EPHA5: variants seen among roughly 807,000 people sequenced by gnomAD.
EPHA5 encodes ephrin type-A receptor 5.
Under a neutral mutation model 105.0 loss-of-function variants are expected in EPHA5, and 60 were observed. The observed-to-expected ratio is 0.57, with a 90% confidence interval of 0.46 to 0.71. EPHA5 has a LOEUF of 0.71. Ranked by LOEUF, EPHA5 falls within the 30% of genes least tolerant of loss-of-function variation. The pLI, the probability that EPHA5 is intolerant of heterozygous loss-of-function variation, is 0.00. For synonymous variants in EPHA5, 513 were observed against 449.1 expected (o/e 1.14, Z -1.80); for missense variants, 1,218 against 1,274.7 (o/e 0.96, Z 0.68).
chr4:65,457,776 T>C (rs899183066), intron 5 of EPHA5, among the ~76,000 whole-genome samples: 9 of 152,162 alleles, frequency 5.9e-5, no homozygotes, highest in Non-Finnish European at 1.3e-4. Context: ...TGGCTAATGC[T>C]GTTTCTGTTA....
chr4:65,626,180 T>A (rs756829368), intron 2 of EPHA5, among the ~76,000 whole-genome samples: 31 of 152,062 alleles, frequency 2.0e-4, no homozygotes, highest in Non-Finnish European at 4.1e-4. Context: ...GAGTAACAAT[T>A]TTATATTTAG....
intron 16 of EPHA5, chr4:65,331,230 G>A: frequency 9.7e-7 from 1 of 1,029,854 alleles, no homozygotes; most frequent in East Asian, 5.8e-5. Context: ...CCACCATAAA[G>A]ACAGTTAATT....
At position 65,490,509 on chromosome 4, in the gene EPHA5, T is replaced by A. The variant is rs2149213004; in HGVS notation, c.1270A>T (p.Thr424Ser). The A allele has an allele frequency of 6.2e-7, 1 of 1,614,094 alleles. No homozygotes were observed. The highest frequency in any genetic ancestry group is 8.5e-7 in the Non-Finnish European group (1 of 1,180,016). The change falls in exon 5 of 17, where the codon ACC becomes TCC. Residue 424 changes from threonine (T) to serine (S), a missense_variant. Transcript: ENST00000613740. ...AGTAGATCCACCATCATGACAGAGGTGTTTTTCAGGCCGCTTTGCCGGGGA... is the reference window on the plus strand; with the variant it reads ...AGTAGATCCACCATCATGACAGAGGAGTTTTTCAGGCCGCTTTGCCGGGGA... Reference protein sequence around the residue: ...YLPRQSGLKNTSVMMVDLLAH... With the variant: ...YLPRQSGLKNSSVMMVDLLAH...
chr4:65,666,618 A>C (rs1749987606), intron 1 of EPHA5, among the ~76,000 whole-genome samples: 1 of 152,316 alleles, frequency 6.6e-6, no homozygotes, highest in Non-Finnish European at 1.5e-5. Flanking sequence ...AATCTTTTAT[A>C]ATAAAAAAGT....
intron 8 of EPHA5, among the ~76,000 whole-genome samples, chr4:65,403,959 C>A (rs563221340): frequency 6.6e-6 from 1 of 152,050 alleles, no homozygotes; most frequent in Admixed American, 6.6e-5. Context: ...GGATAGAATG[C>A]TGACTAAATA....
At chr4:65,640,659 G>A (rs1224646580) in intron 2 of EPHA5, among the ~76,000 whole-genome samples, 2 of 152,154 alleles carry the variant, frequency 1.3e-5, no homozygotes, top group Admixed American at 1.3e-4. Context: ...AAACCAGTAA[G>A]TGTTCTCAAC....
chr4:65,612,196 A>G (rs1744843048), intron 2 of EPHA5, among the ~76,000 whole-genome samples: 1 of 152,128 alleles, frequency 6.6e-6, no homozygotes, highest in Non-Finnish European at 1.5e-5. Context: ...TTGCATGGAT[A>G]TACTGCATAG....
At chr4:65,647,969 G>A (rs1018266992) in intron 1 of EPHA5, among the ~76,000 whole-genome samples, 1 of 152,068 alleles carries the variant, frequency 6.6e-6, no homozygotes, top group African/African-American at 2.4e-5. Flanking sequence ...CCAAATAACA[G>A]ATTATGAAAG....
intron 3 of EPHA5, among the ~76,000 whole-genome samples, chr4:65,513,426 G>A (rs1733812480): frequency 1.3e-5 from 2 of 151,956 alleles, no homozygotes; most frequent in East Asian, 1.9e-4. Context: ...TCGCTCTGTC[G>A]CCCAGGCTGG....
At chr4:65,529,734 A>G (rs938276169) in intron 3 of EPHA5, among the ~76,000 whole-genome samples, 18 of 152,248 alleles carry the variant, frequency 1.2e-4, no homozygotes, top group Admixed American at 1.1e-3. Flanking sequence ...ATGAACGTAT[A>G]TAACTCTTGC....
At chr4:65,617,338 T>C (rs952829836) in intron 2 of EPHA5, among the ~76,000 whole-genome samples, 10 of 152,068 alleles carry the variant, frequency 6.6e-5, no homozygotes, top group Non-Finnish European at 1.2e-4. Context: ...CTGTGATCAA[T>C]TGTTGGTGTA....
intron 5 of EPHA5, among the ~76,000 whole-genome samples, chr4:65,485,586 C>A (rs1730802826): frequency 6.6e-6 from 1 of 152,086 alleles, no homozygotes; most frequent in African/African-American, 2.4e-5. Flanking sequence ...TGGAAAATGT[C>A]TAAATACTAT....
chr4:65,512,969 A>G (rs1733765028), intron 3 of EPHA5, among the ~76,000 whole-genome samples: 1 of 152,180 alleles, frequency 6.6e-6, no homozygotes, highest in African/African-American at 2.4e-5. Context: ...TGGCTTTACT[A>G]GAATTGAAAG....
At chr4:65,536,219 G>C (rs1002822376) in intron 3 of EPHA5, among the ~76,000 whole-genome samples, 1 of 151,836 alleles carries the variant, frequency 6.6e-6, no homozygotes, top group Non-Finnish European at 1.5e-5. Context: ...GCAGACAATT[G>C]CTCCATCCTA....
intron 3 of EPHA5, among the ~76,000 whole-genome samples, chr4:65,543,367 A>C (rs188119501): frequency 1.2e-4 from 19 of 152,212 alleles, no homozygotes; most frequent in African/African-American, 4.6e-4. Flanking sequence ...AAGTAACTTC[A>C]GCAAACTCTC....
rs181411134 is a variant in EPHA5 at position 65,399,120 on chromosome 4, G to T, written c.1793+5254C>A. ...GTCAGGAATGTGACACCCTCTTTGG[G>T]GCTTTGCAGTTTCTGGCATTTCCAA... On this transcript the variant is annotated intron_variant, in intron 8 of 16. Transcript: ENST00000613740. Among the ~76,000 whole-genome samples, 199 of 152,254 alleles carry T rather than the reference G, an allele frequency of 1.3e-3. 1 individual carries two copies. The highest frequency in any genetic ancestry group is 0.01 in the Middle Eastern group (3 of 294).
At chr4:65,568,881 G>T (rs1739830766) in intron 3 of EPHA5, among the ~76,000 whole-genome samples, 2 of 150,804 alleles carry the variant, frequency 1.3e-5, no homozygotes, top group Admixed American at 1.3e-4. Context: ...TTAGTTTATT[G>T]TTTCAATAAA....
chr4:65,388,418 G>C (rs1314873184), intron 8 of EPHA5, among the ~76,000 whole-genome samples: 2 of 151,386 alleles, frequency 1.3e-5, no homozygotes, highest in East Asian at 2.0e-4. Flanking sequence ...GGTTGAACTA[G>C]TTTACAGTCC....
chr4:65,501,006 T>C (rs976253329), intron 3 of EPHA5, among the ~76,000 whole-genome samples: 2 of 151,336 alleles, frequency 1.3e-5, no homozygotes, highest in Non-Finnish European at 3.0e-5. Context: ...AGCTCTATCA[T>C]ATGTGAATTA....
Sources: gnomAD v4.1 joint callset for allele counts (sites outside exome capture counted in the v4.1 genomes callset) on GRCh38, gnomAD v4.1.1 for gene constraint, MANE v1.5 for transcripts, NCBI Gene and HGNC (gene_info 2026-07-23, HGNC 2026-07-21) for gene names.